Variants in DNAAF9 observed in about 807,000 individuals in gnomAD.
The protein encoded by DNAAF9 is shulin.
A neutral mutation model predicts 167.0 loss-of-function variants in DNAAF9; 90 were observed. That is an observed-to-expected ratio of 0.54 (90% CI 0.45 to 0.64). The LOEUF is 0.64. DNAAF9 is among the 30% of genes least tolerant of loss of function. DNAAF9 has a pLI of 0.00. For missense variants in DNAAF9, 1,315 were observed against 1,442.2 expected (o/e 0.91, Z 1.43); for synonymous variants, 491 against 508.8 (o/e 0.96, Z 0.47).
At chr20:3,387,684 C>G (rs1423042958) in intron 1 of DNAAF9, among the ~76,000 whole-genome samples, 1 of 151,766 alleles carries the variant, frequency 6.6e-6, no homozygotes, top group Non-Finnish European at 1.5e-5. Flanking sequence ...ATGACACAAG[C>G]AACAGAGTAA....
chr20:3,363,837 C>T (rs752428948), intron 6 of DNAAF9, among the ~76,000 whole-genome samples: 15 of 152,182 alleles, frequency 9.9e-5, no homozygotes, highest in Non-Finnish European at 7.3e-5. Context: ...TTTTCTTTAG[C>T]ATTATTCAAT....
At chr20:3,278,445 G>T (rs999541571) in intron 29 of DNAAF9, among the ~76,000 whole-genome samples, 8 of 152,180 alleles carry the variant, frequency 5.3e-5, no homozygotes, top group African/African-American at 1.9e-4. Context: ...CTCAGGCCAG[G>T]CGCCGTGGCT....
chr20:3,368,661 C>T (rs1274084174), intron 6 of DNAAF9, among the ~76,000 whole-genome samples: 3 of 151,720 alleles, frequency 2.0e-5, no homozygotes, highest in Admixed American at 6.6e-5. Context: ...TACAGGTGCC[C>T]GCCACCAAGC....
intron 33 of DNAAF9, among the ~76,000 whole-genome samples, chr20:3,259,032 A>C (rs2068331844): frequency 6.6e-6 from 1 of 152,174 alleles, no homozygotes; most frequent in Non-Finnish European, 1.5e-5. Flanking sequence ...CAGAGGTCTA[A>C]ACTGATCCTC....
At chr20:3,285,327 G>A (rs1364719136) in intron 27 of DNAAF9, among the ~76,000 whole-genome samples, 1 of 151,638 alleles carries the variant, frequency 6.6e-6, no homozygotes, top group African/African-American at 2.4e-5. Context: ...TGGGAAGATT[G>A]GTTAAGCTCA....
intron 6 of DNAAF9, among the ~76,000 whole-genome samples, chr20:3,371,329 A>C (rs1405371050): frequency 6.9e-6 from 1 of 144,106 alleles, no homozygotes; most frequent in Non-Finnish European, 1.5e-5. Flanking sequence ...TCCTTGAAGA[A>C]AATCTTTTTT....
intron 30 of DNAAF9, 137 bp downstream of exon 30, chr20:3,270,290 G>A (rs572821313): frequency 6.8e-5 from 50 of 737,924 alleles, no homozygotes; most frequent in Non-Finnish European, 1.0e-4. Flanking sequence ...CTATAGGTGC[G>A]TGCCACCGCA....
At chr20:3,265,536 C>T (rs2068473761) in intron 30 of DNAAF9, among the ~76,000 whole-genome samples, 1 of 134,414 alleles carries the variant, frequency 7.4e-6, no homozygotes, top group Admixed American at 7.7e-5. Flanking sequence ...GATCACGCCA[C>T]TGCACTCCAG....
At chr20:3,362,030 T>A (rs1209710906) in intron 6 of DNAAF9, 5 of 1,482,426 alleles carry the variant, frequency 3.4e-6, no homozygotes, top group Non-Finnish European at 4.7e-6. Flanking sequence ...GGTCCACCAC[T>A]CCATTAGAAC....
rs2083246767 is a variant in DNAAF9, at chr20:3,353,679, CTG to C, written c.691-5058_691-5057del. ...AAAAAGGCTATTAATACAGAACACA[CTG>C]TGTTTCAATTCTATTAGAAACAGAC... On this transcript the variant is annotated intron_variant, in intron 7 of 36. Coordinates refer to ENST00000252032, the MANE Select transcript of DNAAF9 (RefSeq NM_001009984.3). Among the ~76,000 whole-genome samples, 2 of 138,268 alleles carry C rather than the reference CTG, an allele frequency of 1.4e-5. 1 individual carries two copies. The highest frequency in any genetic ancestry group is 3.0e-5 in the Non-Finnish European group (2 of 65,856). The allele number at this position is 138,268 out of a possible 152,430, so 90.7% of individuals were successfully genotyped here. A position where few individuals can be genotyped will look rare whatever the true frequency, so the allele number is the denominator to read the frequency against.
intron 16 of DNAAF9, among the ~76,000 whole-genome samples, chr20:3,319,082 C>CAAAAAAA (rs71195834): frequency 2.8e-5 from 2 of 71,136 alleles, no homozygotes; most frequent in African/African-American, 6.2e-5. Context: ...GACTCTGTCT[C>CAAAAAAA]AAAAAAAAAA....
intron 7 of DNAAF9, among the ~76,000 whole-genome samples, chr20:3,356,907 G>GA (rs1245032413): frequency 6.7e-5 from 10 of 149,520 alleles, no homozygotes; most frequent in South Asian, 2.1e-4. Context: ...GGCATGAAGG[G>GA]AAAAAAAAAG....
intron 16 of DNAAF9, among the ~76,000 whole-genome samples, chr20:3,320,587 ATT>A (rs1289933465): frequency 6.6e-6 from 1 of 152,202 alleles, no homozygotes; most frequent in African/African-American, 2.4e-5. Context: ...ATCAGAAAGT[ATT>A]TCCCAATGTT....
At chr20:3,327,334 A>T (rs763966276) in intron 12 of DNAAF9, among the ~76,000 whole-genome samples, 1 of 152,100 alleles carries the variant, frequency 6.6e-6, no homozygotes, top group African/African-American at 2.4e-5. Flanking sequence ...ATAATCAAAA[A>T]TTTCTCCAGA....
chr20:3,296,496 G>T (rs1029214026), intron 23 of DNAAF9: 7 of 287,472 alleles, frequency 2.4e-5, no homozygotes, highest in Non-Finnish European at 4.0e-5. Context: ...TTCCACCCCG[G>T]CCTCCTGACT....
intron 1 of DNAAF9, among the ~76,000 whole-genome samples, chr20:3,395,186 T>C (rs1600923384): frequency 6.7e-6 from 1 of 149,752 alleles, no homozygotes; most frequent in East Asian, 2.0e-4. Context: ...TTAGCCAGGA[T>C]GGTCTCGATC....
chr20:3,311,254 T>C (rs1260283149), intron 20 of DNAAF9, among the ~76,000 whole-genome samples: 1 of 151,994 alleles, frequency 6.6e-6, no homozygotes, highest in African/African-American at 2.4e-5. Flanking sequence ...CACCCTCCAG[T>C]CTCAGCCTTC....
At chr20:3,275,582 G>A (rs1321098063) in intron 29 of DNAAF9, among the ~76,000 whole-genome samples, 1 of 152,216 alleles carries the variant, frequency 6.6e-6, no homozygotes, top group Non-Finnish European at 1.5e-5. Flanking sequence ...AAACAAGCAA[G>A]AGGATTATCC....
chr20:3,271,618 A>C (rs1211495753), intron 29 of DNAAF9, among the ~76,000 whole-genome samples: 1 of 148,364 alleles, frequency 6.7e-6, no homozygotes, highest in Non-Finnish European at 1.5e-5. Context: ...ATTTTTATTT[A>C]CTTCTTCTTT....
Sources: gnomAD v4.1 joint callset for allele counts (sites outside exome capture counted in the v4.1 genomes callset) on GRCh38, gnomAD v4.1.1 for gene constraint, MANE v1.5 for transcripts, NCBI Gene and HGNC (gene_info 2026-07-23, HGNC 2026-07-21) for gene names.